VWA8: variants seen among roughly 807,000 people sequenced by gnomAD.
The protein encoded by VWA8 is von Willebrand factor A domain-containing protein 8.
Under a neutral mutation model 241.5 loss-of-function variants are expected in VWA8, and 221 were observed. The ratio of observed to expected loss-of-function variants is 0.91; its 90% CI spans 0.82 to 1.02. The LOEUF is 1.02. Among genes scored for constraint, VWA8 ranks in the 50% least tolerant of loss-of-function variants. The probability of loss-of-function intolerance (pLI) is 0.00; values close to 1 mark genes in which losing one functional copy is unlikely to be tolerated. For synonymous variants in VWA8, 852 were observed against 827.1 expected (o/e 1.03, Z -0.52); for missense variants, 2,322 against 2,328.7 (o/e 1.00, Z 0.06).
At chr13:41,894,492 A>G (rs1875006221) in intron 4 of VWA8, among the ~76,000 whole-genome samples, 1 of 152,258 alleles carries the variant, frequency 6.6e-6, no homozygotes, top group South Asian at 2.1e-4. Context: ...TGTATAGAGC[A>G]GAGACCTCAA....
chr13:41,640,407 T>A (rs1447285906), intron 37 of VWA8, among the ~76,000 whole-genome samples: 1 of 152,202 alleles, frequency 6.6e-6, no homozygotes, highest in Admixed American at 6.5e-5. Context: ...TAAACCAAGA[T>A]GCAATGAAAT....
intron 37 of VWA8, among the ~76,000 whole-genome samples, chr13:41,666,861 G>A (rs1424287088): frequency 6.6e-6 from 1 of 152,144 alleles, no homozygotes; most frequent in Non-Finnish European, 1.5e-5. Flanking sequence ...GTGGCGAGGA[G>A]ACATGGATGG....
intron 2 of VWA8, among the ~76,000 whole-genome samples, chr13:41,939,635 A>T (rs1877508508): frequency 6.6e-6 from 1 of 152,190 alleles, no homozygotes; most frequent in Non-Finnish European, 1.5e-5. Flanking sequence ...CTGCCTGTAG[A>T]CTATACATAT....
At chr13:41,905,340 A>G (rs1875656946) in intron 4 of VWA8, 1 of 152,104 alleles carries the variant, frequency 6.6e-6, no homozygotes, top group Non-Finnish European at 1.5e-5. Flanking sequence ...CTGGACAGTT[A>G]GATATAAAAT....
chr13:41,718,696 A>ATT (rs1025210014), intron 26 of VWA8, among the ~76,000 whole-genome samples: 9 of 150,458 alleles, frequency 6.0e-5, no homozygotes, highest in East Asian at 3.9e-4. Flanking sequence ...CACTTTGGAG[A>ATT]TTATATATAT....
chr13:41,576,717 TAAATA>T (rs935554604), intron 42 of VWA8, among the ~76,000 whole-genome samples: 7 of 152,188 alleles, frequency 4.6e-5, no homozygotes, highest in Non-Finnish European at 1.0e-4. Flanking sequence ...TACCAACTGT[TAAATA>T]AAACATGTTC....
At chr13:41,789,058 A>G (rs1869334860) in intron 17 of VWA8, among the ~76,000 whole-genome samples, 1 of 152,110 alleles carries the variant, frequency 6.6e-6, no homozygotes, top group South Asian at 2.1e-4. Context: ...ATTATTCTCA[A>G]TCTAGCACCC....
At chr13:41,847,788 T>C (rs1872354341) in intron 12 of VWA8, among the ~76,000 whole-genome samples, 1 of 152,192 alleles carries the variant, frequency 6.6e-6, no homozygotes, top group Non-Finnish European at 1.5e-5. Flanking sequence ...CATTGACAGA[T>C]TCTAATCAGG....
chr13:41,626,643 A>C (rs922780819), intron 37 of VWA8, among the ~76,000 whole-genome samples: 20 of 152,208 alleles, frequency 1.3e-4, no homozygotes, highest in African/African-American at 4.3e-4. Flanking sequence ...ATATTTGACA[A>C]AGCCAACTAT....
intron 1 of VWA8, among the ~76,000 whole-genome samples, chr13:41,956,266 C>T (rs1487180928): frequency 6.6e-6 from 1 of 152,182 alleles, no homozygotes; most frequent in Non-Finnish European, 1.5e-5. Flanking sequence ...GAAACATCTC[C>T]AGACATTGCT....
At chr13:41,612,114 CAT>C (rs139945234) in intron 38 of VWA8, among the ~76,000 whole-genome samples, 41 of 152,306 alleles carry the variant, frequency 2.7e-4, no homozygotes, top group African/African-American at 9.4e-4. Context: ...GTTTGAATAT[CAT>C]AGATACTTAG....
At chr13:41,772,016 G>A (rs2045827708) in intron 20 of VWA8, among the ~76,000 whole-genome samples, 1 of 149,658 alleles carries the variant, frequency 6.7e-6, no homozygotes, top group Non-Finnish European at 1.5e-5. Flanking sequence ...TCAGCCTCCT[G>A]AGTAGCTGGG....
At chr13:41,833,344 T>C (rs780965683) in intron 13 of VWA8, 27 bp downstream of exon 13, 1 of 1,585,696 alleles carries the variant, frequency 6.3e-7, no homozygotes, top group South Asian at 1.2e-5. Context: ...TGTGTGTCTG[T>C]GTGTGATTTT....
chr13:41,737,587 T>G (rs746482123), intron 21 of VWA8, among the ~76,000 whole-genome samples: 1 of 152,242 alleles, frequency 6.6e-6, no homozygotes, highest in Non-Finnish European at 1.5e-5. Flanking sequence ...TATAGAATTT[T>G]GAACAGGAAG....
At position 41,777,849 on chromosome 13, in the gene VWA8, A is replaced by C. The variant is rs1593765364; in HGVS notation, c.2349+136T>G. On this transcript the variant is annotated intron_variant, in intron 20 of 44. Coordinates refer to ENST00000379310, the MANE Select transcript of VWA8 (RefSeq NM_015058.2). ...GAGGTAATTTTGAAGTTTAGAAGGTAGCAGAGTCTCATCCTTTAATTAAAC... is the reference window on the plus strand; with the variant it reads ...GAGGTAATTTTGAAGTTTAGAAGGTCGCAGAGTCTCATCCTTTAATTAAAC... The C allele has an allele frequency of 7.6e-6, 5 of 658,258 alleles. No homozygotes were observed. In the East Asian group the frequency reaches 1.4e-4, roughly 19 times the overall value. The allele number at this position is 658,258 out of a possible 1,614,324, so 40.8% of individuals were successfully genotyped here.
At chr13:41,784,658 GTCTCTC>G (rs57574031) in intron 18 of VWA8, among the ~76,000 whole-genome samples, 96 of 103,868 alleles carry the variant, frequency 9.2e-4, no homozygotes, top group African/African-American at 2.6e-3. Flanking sequence ...GTGCAACCTT[GTCTCTC>G]TCTCTCTCTC....
At chr13:41,571,543 T>C (rs1184715733) in intron 43 of VWA8, among the ~76,000 whole-genome samples, 2 of 152,046 alleles carry the variant, frequency 1.3e-5, no homozygotes, top group Non-Finnish European at 2.9e-5. Flanking sequence ...GGAGACGGGG[T>C]TTCGCCGTGT....
At chr13:41,941,993 C>T (rs1454019153) in intron 2 of VWA8, among the ~76,000 whole-genome samples, 1 of 152,116 alleles carries the variant, frequency 6.6e-6, no homozygotes, top group Non-Finnish European at 1.5e-5. Flanking sequence ...TATCCCTTGC[C>T]TCTCAAGTTT....
intron 24 of VWA8, among the ~76,000 whole-genome samples, chr13:41,725,431 C>T (rs2045425064): frequency 6.6e-6 from 1 of 152,066 alleles, no homozygotes; most frequent in African/African-American, 2.4e-5. Context: ...GTCGTAGAAA[C>T]TAGCCATGAA....
Sources: gnomAD v4.1 joint callset for allele counts (sites outside exome capture counted in the v4.1 genomes callset) on GRCh38, gnomAD v4.1.1 for gene constraint, MANE v1.5 for transcripts, NCBI Gene and HGNC (gene_info 2026-07-23, HGNC 2026-07-21) for gene names.